STK40: variants seen among roughly 807,000 people sequenced by gnomAD.
STK40 encodes the protein serine/threonine-protein kinase 40.
Under a neutral mutation model 47.9 loss-of-function variants are expected in STK40, and 13 were observed. The observed-to-expected ratio is 0.27, with a 90% CI of 0.18 to 0.43. The LOEUF (loss-of-function observed/expected upper bound fraction) is 0.43, where lower values mean the gene tolerates loss of function less well. Ranked by LOEUF, STK40 falls within the 20% of genes least tolerant of loss-of-function variation. STK40 has a pLI of 1.00. For synonymous variants in STK40, 225 were observed against 243.2 expected (o/e 0.93, Z 0.69); for missense variants, 460 against 595.1 (o/e 0.77, Z 2.36).
At position 36,343,934 on chromosome 1, in the gene STK40, C is replaced by A; in HGVS notation, c.930G>T (p.Leu310=). ...GGCGCTGCTGGGGGTCAAGGACCAG[C>A]AGCTTCCGGATGAGACACACGGTGT... The part of the protein sequence containing the change: ...SENTVCLIRK[L]LVLDPQQRLA... Residue 310 remains leucine (L), a synonymous_variant, in exon 9 of 11, where the codon CTG becomes CTT. Coordinates refer to ENST00000373132, the MANE Select transcript of STK40 (RefSeq NM_001282547.2). The A allele has an allele frequency of 6.2e-7, 1 of 1,608,798 alleles. No homozygotes were observed. Among genetic ancestry groups the A allele is most frequent in the Non-Finnish European group, 8.5e-7 (1 of 1,176,292 alleles).
chr1:36,348,806 C>T lies in STK40; in HGVS notation c.633G>A (p.Arg211=), dbSNP rs1333686766. 2 of 1,604,004 alleles carry T rather than the reference C, an allele frequency of 1.2e-6. No homozygotes were observed. The highest frequency in any genetic ancestry group is 1.7e-6 in the Non-Finnish European group (2 of 1,174,868). ...CGAGGCAGAAGTTGGTGATGGTTAT[C>T]CGATGTGTCCTAGGAGTGGGAGACA... The part of the protein sequence containing the change: ...GNMVLNKRTH[R]ITITNFCLGK... Residue 211 remains arginine (R), a synonymous_variant, in exon 7 of 11, where the codon CGG becomes CGA. Coordinates refer to ENST00000373132, the MANE Select transcript of STK40 (RefSeq NM_001282547.2).
chr1:36,345,548 G>A (rs948166030), intron 7 of STK40, among the ~76,000 whole-genome samples: 4 of 152,182 alleles, frequency 2.6e-5, no homozygotes, highest in African/African-American at 4.8e-5. Context: ...CGGTGCCAAA[G>A]AGCAGCTGCG....
intron 1 of STK40, among the ~76,000 whole-genome samples, chr1:36,368,558 T>G (rs1233546601): frequency 6.6e-6 from 1 of 152,234 alleles, no homozygotes; most frequent in Non-Finnish European, 1.5e-5. Flanking sequence ...AATCTACTCA[T>G]GCTATTTTTT....
At chr1:36,354,770 G>A (rs911069278) in intron 5 of STK40, among the ~76,000 whole-genome samples, 1 of 152,146 alleles carries the variant, frequency 6.6e-6, no homozygotes, top group African/African-American at 2.4e-5. Context: ...TCATGGCTTT[G>A]TGACTAAGTA....
At chr1:36,367,410 G>A (rs1437166676) in intron 1 of STK40, among the ~76,000 whole-genome samples, 1 of 152,208 alleles carries the variant, frequency 6.6e-6, no homozygotes, top group Non-Finnish European at 1.5e-5. Context: ...CCACTGCGTG[G>A]CCTGAGTAGG....
intron 1 of STK40, among the ~76,000 whole-genome samples, chr1:36,368,955 C>T (rs1387898112): frequency 1.3e-5 from 2 of 152,140 alleles, no homozygotes; most frequent in Non-Finnish European, 2.9e-5. Context: ...CTCAGGTCCC[C>T]CGAGGCAGAG....
At chr1:36,354,716 G>A (rs1369281362) in intron 5 of STK40, among the ~76,000 whole-genome samples, 2 of 152,068 alleles carry the variant, frequency 1.3e-5, no homozygotes, top group Non-Finnish European at 2.9e-5. Context: ...CCCTCCATTA[G>A]ACATTCCATG....
intron 1 of STK40, among the ~76,000 whole-genome samples, chr1:36,364,373 GA>G (rs1210336027): frequency 1.4e-4 from 21 of 152,124 alleles, no homozygotes; most frequent in African/African-American, 5.1e-4. Flanking sequence ...GTGAGTTCCA[GA>G]ACTTACACCA....
chr1:36,361,094 G>A, intron 2 of STK40, 127 bp downstream of exon 2: 1 of 1,076,268 alleles, frequency 9.3e-7, no homozygotes. Context: ...GCCTGGGGCA[G>A]GGCAGGACCA....
Position 36,348,797 on chromosome 1 carries a change from G to C in STK40, c.642C>G (p.Ile214Met). The C allele has an allele frequency of 6.2e-7, 1 of 1,606,392 alleles. No individual in the cohort carries two copies. The highest frequency in any genetic ancestry group is 8.5e-7 in the Non-Finnish European group (1 of 1,176,132). Residue 214 changes from isoleucine to methionine, a missense_variant, in exon 7 of 11, where the codon ATC becomes ATG. By Grantham distance (10) the Ile-to-Met change is conservative. Transcript: ENST00000373132. The part of the protein sequence containing the change: ...VLNKRTHRIT[I>M]TNFCLGKHLV... ...GATGCTTCCCGAGGCAGAAGTTGGTGATGGTTATCCGATGTGTCCTAGGAG... is the reference window on the plus strand; with the variant it reads ...GATGCTTCCCGAGGCAGAAGTTGGTCATGGTTATCCGATGTGTCCTAGGAG...
intron 1 of STK40, among the ~76,000 whole-genome samples, chr1:36,384,644 A>C (rs1435301990): frequency 6.6e-6 from 1 of 152,220 alleles, no homozygotes; most frequent in African/African-American, 2.4e-5. Context: ...CTTAACCACT[A>C]TGCTGTCTAG....
In STK40 at chr1:36,341,984, G is replaced by A. The variant is rs116789558; in HGVS notation, c.1090-11C>T. 1.6e-3 allele frequency: 2,606 copies of A among 1,605,446 alleles called. 41 individuals carry two copies. In the African/African-American group the frequency reaches 0.031, roughly 19 times the overall value. ...CTCCGTCACCTTCGCCTTTGAGGCG[G>A]GGAGGGTGGGAAGGAGACAAAGATA... is the stretch of plus-strand genomic sequence containing the variant. On this transcript the variant is annotated splice_polypyrimidine_tract_variant and intron_variant, in intron 10 of 10. Coordinates refer to ENST00000373132, the MANE Select transcript of STK40 (RefSeq NM_001282547.2).
intron 1 of STK40, among the ~76,000 whole-genome samples, chr1:36,373,917 C>T (rs1344620988): frequency 6.6e-6 from 1 of 152,248 alleles, no homozygotes; most frequent in East Asian, 1.9e-4. Flanking sequence ...GCCTGCTCTG[C>T]TCCCAGCCTG....
chr1:36,344,335 C>T, intron 7 of STK40, 71 bp from the exon 8 acceptor site: 1 of 1,500,572 alleles, frequency 6.7e-7, no homozygotes, highest in South Asian at 1.3e-5. Flanking sequence ...TGGAATCCCA[C>T]CTGGGACCCT....
Position 36,361,187 on chromosome 1 carries a change from G to T in STK40, c.112+34C>A, listed in dbSNP as rs1314864411. 1.9e-6 allele frequency: 3 copies of T among 1,612,360 alleles called. No homozygotes were observed. In the African/African-American group the frequency reaches 4.0e-5, roughly 22 times the overall value. ...CAATGTGCCCTGCCCCTGCCTCCCA[G>T]CCCACCCATTTTTCCCAAAGGTCAG... On this transcript the variant is annotated intron_variant, in intron 2 of 10. Coordinates refer to ENST00000373132, the MANE Select transcript of STK40 (RefSeq NM_001282547.2).
chr1:36,381,083 GCTC>G (rs925145378), intron 1 of STK40, among the ~76,000 whole-genome samples: 3 of 152,002 alleles, frequency 2.0e-5, no homozygotes, highest in African/African-American at 7.2e-5. Context: ...CCCCCAAACA[GCTC>G]ATCTCTGCTC....
At chr1:36,353,055 C>T (rs1231069684) in intron 6 of STK40, among the ~76,000 whole-genome samples, 1 of 152,246 alleles carries the variant, frequency 6.6e-6, no homozygotes, top group East Asian at 1.9e-4. Flanking sequence ...TTCTTTTCCT[C>T]TGACCACTGT....
Position 36,343,428 on chromosome 1 carries a change from C to T in STK40, c.1025G>A (p.Ser342Asn). 6.2e-7 allele frequency: 1 copy of T among 1,613,534 alleles called. No individual in the cohort carries two copies. The highest frequency in any genetic ancestry group is 2.2e-5 in the East Asian group (1 of 44,878). ...GTCAGGAACCACTTGCAAAGGCCCA[C>T]TCAGAGATGACAGGGACTGCCTGCA... is the stretch of plus-strand genomic sequence containing the variant. ...IASWQSLSSL[S>N]GPLQVVPDID... is the part of the protein sequence containing the mutation. Residue 342 changes from serine to asparagine, a missense_variant, in exon 10 of 11, where the codon AGT becomes AAT. Physicochemically the swap from Ser to Asn is conservative, Grantham distance 46. Transcript: ENST00000373132.
chr1:36,355,548 A>G (rs991452511), intron 4 of STK40, 115 bp from the exon 5 acceptor site: 2 of 1,145,026 alleles, frequency 1.7e-6, no homozygotes, highest in East Asian at 4.7e-5. Flanking sequence ...GCCTGGAATT[A>G]GCCTGCATGT....
Sources: gnomAD v4.1 joint callset for allele counts (sites outside exome capture counted in the v4.1 genomes callset) on GRCh38, gnomAD v4.1.1 for gene constraint, MANE v1.5 for transcripts, NCBI Gene and HGNC (gene_info 2026-07-23, HGNC 2026-07-21) for gene names.